The following ETV6 variants were observed in gnomAD, a reference collection of about 807,000 sequenced individuals.
ETV6 encodes transcription factor ETV6.
A neutral mutation model predicts 51.1 loss-of-function variants in ETV6; 16 were observed. The ratio of observed to expected loss-of-function variants is 0.31; its 90% confidence interval spans 0.21 to 0.48. ETV6 has a LOEUF of 0.48. ETV6 is among the 20% of genes least tolerant of loss of function. The pLI is 0.99. For missense variants in ETV6, 458 were observed against 594.8 expected, an observed-to-expected ratio of 0.77 and a Z score of 2.39; for synonymous variants, 240 against 224.1, an observed-to-expected ratio of 1.07 and a Z score of -0.64.
Position 11,892,835 on chromosome 12 carries a change from C to T in ETV6, c.*1789C>T, listed in dbSNP as rs1056414307. The T allele has an allele frequency of 8.6e-6, 2 of 232,880 alleles. No homozygotes were observed. Among genetic ancestry groups the T allele is most frequent in the African/African-American group, 4.4e-5 (2 of 45,320 alleles). The allele number at this position is 232,880 out of a possible 1,614,324, so 14.4% of individuals were successfully genotyped here. On this transcript the variant is annotated 3_prime_UTR_variant, in exon 8 of 8. Transcript: ENST00000396373. ...TCGGCCTTACTGACAAGGACACCAA[C>T]CTAGGGTGCAAACAGATGGACTATG...
At chr12:11,889,872 G>A (rs1200391881) in intron 7 of ETV6, among the ~76,000 whole-genome samples, 1 of 152,154 alleles carries the variant, frequency 6.6e-6, no homozygotes, top group Non-Finnish European at 1.5e-5. Context: ...CAGAGTATAT[G>A]GGGAGAGAAA....
chr12:11,735,788 C>T (rs914207906), intron 1 of ETV6, among the ~76,000 whole-genome samples: 35 of 152,200 alleles, frequency 2.3e-4, no homozygotes, highest in African/African-American at 7.5e-4. Flanking sequence ...TTAGTAGAAA[C>T]GGGGTTTCAC....
At chr12:11,790,105 T>TA (rs1400336421) in intron 2 of ETV6, among the ~76,000 whole-genome samples, 1 of 151,810 alleles carries the variant, frequency 6.6e-6, no homozygotes, top group Non-Finnish European at 1.5e-5. Context: ...CACTTCTTTT[T>TA]TTTTTGTTTC....
At chr12:11,813,864 A>G (rs1186235289) in intron 2 of ETV6, among the ~76,000 whole-genome samples, 1 of 152,240 alleles carries the variant, frequency 6.6e-6, no homozygotes, top group East Asian at 1.9e-4. Context: ...AACCACAATA[A>G]TAATACAATG....
chr12:11,839,906 C>A (rs1017452240), intron 3 of ETV6, among the ~76,000 whole-genome samples: 4 of 152,032 alleles, frequency 2.6e-5, no homozygotes, highest in African/African-American at 9.7e-5. Context: ...GCCATTTTGG[C>A]CTTTTGACTC....
chr12:11,788,264 T>C (rs549537486), intron 2 of ETV6, among the ~76,000 whole-genome samples: 2 of 152,320 alleles, frequency 1.3e-5, no homozygotes, highest in East Asian at 3.9e-4. Context: ...TTTTTAGATC[T>C]CGAACTAATA....
Position 11,839,214 on chromosome 12 carries a change from A to G in ETV6, c.238A>G (p.Arg80Gly). Residue 80 changes from arginine (R) to glycine (G), a missense_variant, in exon 3 of 8, where the codon AGG becomes GGG. Arg to Gly is a moderately radical substitution (Grantham distance 125). Coordinates refer to ENST00000396373, the MANE Select transcript of ETV6 (RefSeq NM_001987.5). ...LKWAENEFSL[R>G]PIDSNTFEMN... ...GTGGGCTGAAAATGAGTTTTCTTTA[A>G]GGCCAATTGACAGCAACACGTTTGA... The G allele has an allele frequency of 6.2e-7, 1 of 1,614,260 alleles. No homozygotes were observed. Among genetic ancestry groups the G allele is most frequent in the Non-Finnish European group, 8.5e-7 (1 of 1,180,048 alleles).
At chr12:11,666,890 C>T (rs895833643) in intron 1 of ETV6, among the ~76,000 whole-genome samples, 1 of 152,178 alleles carries the variant, frequency 6.6e-6, no homozygotes, top group African/African-American at 2.4e-5. Context: ...TCAGTCTCCA[C>T]GAGGCTTCTC....
intron 3 of ETV6, among the ~76,000 whole-genome samples, chr12:11,853,172 G>A (rs1946582320): frequency 6.6e-6 from 1 of 152,202 alleles, no homozygotes; most frequent in South Asian, 2.1e-4. Context: ...TGGCAACGGA[G>A]CGCAACCCTG....
intron 4 of ETV6, among the ~76,000 whole-genome samples, chr12:11,856,447 C>T (rs192878119): frequency 7.2e-5 from 11 of 152,276 alleles, no homozygotes; most frequent in South Asian, 2.1e-4. Context: ...AGAGCATGTC[C>T]GGGCGCATGT....
At chr12:11,765,923 G>A (rs933112390) in intron 2 of ETV6, among the ~76,000 whole-genome samples, 3 of 152,212 alleles carry the variant, frequency 2.0e-5, no homozygotes, top group Non-Finnish European at 4.4e-5. Context: ...GGACAGTCCC[G>A]TGGTGGGTGT....
chr12:11,677,724 A>C (rs1467349587), intron 1 of ETV6, among the ~76,000 whole-genome samples: 7 of 152,198 alleles, frequency 4.6e-5, no homozygotes, highest in African/African-American at 1.7e-4. Flanking sequence ...TTACTCTATA[A>C]CTTTGGCGGA....
chr12:11,696,261 C>T (rs1864876705), intron 1 of ETV6, among the ~76,000 whole-genome samples: 1 of 152,158 alleles, frequency 6.6e-6, no homozygotes, highest in Admixed American at 6.5e-5. Context: ...AGTACGTACA[C>T]TCCATGGGAA....
intron 5 of ETV6, among the ~76,000 whole-genome samples, chr12:11,883,675 C>T (rs1162243787): frequency 1.3e-5 from 2 of 152,184 alleles, no homozygotes; most frequent in Non-Finnish European, 2.9e-5. Context: ...AATCACCTAA[C>T]ACTTAATAAA....
At chr12:11,696,245 T>C (rs1437481779) in intron 1 of ETV6, among the ~76,000 whole-genome samples, 1 of 152,182 alleles carries the variant, frequency 6.6e-6, no homozygotes, top group Non-Finnish European at 1.5e-5. Flanking sequence ...TTGTTCTCCT[T>C]CCACTAGTAC....
At chr12:11,778,597 T>C (rs1317760552) in intron 2 of ETV6, among the ~76,000 whole-genome samples, 3 of 152,064 alleles carry the variant, frequency 2.0e-5, no homozygotes, top group Non-Finnish European at 4.4e-5. Context: ...TTGTGGAGGG[T>C]AGATCATTCC....
intron 1 of ETV6, among the ~76,000 whole-genome samples, chr12:11,726,969 G>C (rs190151986): frequency 2.8e-4 from 42 of 152,302 alleles, no homozygotes; most frequent in African/African-American, 1.0e-3. Flanking sequence ...ACCGAGCTTT[G>C]GGACCAAGTT....
chr12:11,836,311 C>T (rs1354344746), intron 2 of ETV6, among the ~76,000 whole-genome samples: 9 of 152,218 alleles, frequency 5.9e-5, no homozygotes, highest in Admixed American at 5.9e-4. Context: ...CCACCTACTT[C>T]ACTCTTTATG....
intron 3 of ETV6, among the ~76,000 whole-genome samples, chr12:11,847,764 C>G (rs1052056775): frequency 6.6e-6 from 1 of 152,020 alleles, no homozygotes; most frequent in Non-Finnish European, 1.5e-5. Flanking sequence ...TTGGACAGCT[C>G]CCCTGGGAAG....
Sources: allele counts gnomAD v4.1 joint callset (sites outside exome capture counted in the v4.1 genomes callset), GRCh38; gene constraint gnomAD v4.1.1; transcripts MANE v1.5; gene names NCBI Gene and HGNC (gene_info 2026-07-23, HGNC 2026-07-21).